SFMBT1: variants seen among roughly 807,000 people sequenced by gnomAD.
SFMBT1 encodes the protein Scm like with four mbt domains 1.
Under a neutral mutation model 108.7 loss-of-function variants are expected in SFMBT1, and 32 were observed. The observed-to-expected ratio is 0.29, with a 90% confidence interval of 0.22 to 0.40. The LOEUF is 0.40. Ranked by LOEUF, SFMBT1 falls within the 10% of genes least tolerant of loss-of-function variation. The pLI is 1.00. For synonymous variants in SFMBT1, 348 were observed against 369.5 expected, an observed-to-expected ratio of 0.94 and a Z score of 0.67; for missense variants, 816 against 1,059.6, an observed-to-expected ratio of 0.77 and a Z score of 3.19.
At chr3:52,991,658 TAATC>T (rs1214831336) in intron 1 of SFMBT1, among the ~76,000 whole-genome samples, 1 of 152,136 alleles carries the variant, frequency 6.6e-6, no homozygotes, top group Non-Finnish European at 1.5e-5. Context: ...CGTTGAAAGT[TAATC>T]CCTAATATGA....
At chr3:52,934,976 T>C (rs111634865) in intron 4 of SFMBT1, 75 bp from the exon 5 acceptor site, 7 of 1,168,924 alleles carry the variant, frequency 6.0e-6, no homozygotes, top group African/African-American at 4.5e-5. Flanking sequence ...TCAGTGGAGA[T>C]GGTTTAAAGG....
At chr3:52,956,536 G>A (rs767007082) in intron 2 of SFMBT1, among the ~76,000 whole-genome samples, 1 of 151,976 alleles carries the variant, frequency 6.6e-6, no homozygotes, top group Non-Finnish European at 1.5e-5. Context: ...CGAGGCTGGT[G>A]GACGACAAGG....
intron 1 of SFMBT1, among the ~76,000 whole-genome samples, chr3:53,011,343 G>A (rs1375725020): frequency 6.6e-6 from 1 of 152,176 alleles, no homozygotes; most frequent in Non-Finnish European, 1.5e-5. Flanking sequence ...AAGTATGCTC[G>A]TGTGTAAGGT....
intron 17 of SFMBT1, 72 bp downstream of exon 17, chr3:52,910,931 A>C (rs1344404934): frequency 6.9e-7 from 1 of 1,445,892 alleles, no homozygotes; most frequent in Non-Finnish European, 9.7e-7. Context: ...AATGTCTGTA[A>C]AGTAAAAAAC....
chr3:52,984,738 G>C (rs1457537000), intron 1 of SFMBT1, among the ~76,000 whole-genome samples: 20 of 147,722 alleles, frequency 1.4e-4, no homozygotes, highest in Non-Finnish European at 2.7e-4. Context: ...GTGTGTGTGT[G>C]TGTGTGTGTG....
intron 6 of SFMBT1, 110 bp downstream of exon 6, chr3:52,931,950 TGA>T: frequency 8.1e-7 from 1 of 1,237,592 alleles, no homozygotes; most frequent in South Asian, 1.6e-5. Context: ...AGCTCTATTA[TGA>T]GAACTAACAA....
chr3:52,928,707 T>G (rs1030079827), intron 8 of SFMBT1, among the ~76,000 whole-genome samples: 1 of 148,742 alleles, frequency 6.7e-6, no homozygotes, highest in Admixed American at 6.7e-5. Flanking sequence ...TTGTTTGTTT[T>G]TTTTTGGAGA....
chr3:52,984,070 G>A (rs1444123723), intron 1 of SFMBT1, among the ~76,000 whole-genome samples: 1 of 152,164 alleles, frequency 6.6e-6, no homozygotes, highest in Non-Finnish European at 1.5e-5. Context: ...TTTGGTGTAT[G>A]AGAGAAAGAG....
At chr3:52,951,800 C>G (rs1317115231) in intron 3 of SFMBT1, among the ~76,000 whole-genome samples, 1 of 152,160 alleles carries the variant, frequency 6.6e-6, no homozygotes, top group Non-Finnish European at 1.5e-5. Context: ...GTTCCTTGCC[C>G]TCATTCCCAT....
At chr3:53,034,378 A>C (rs1338600439) in intron 1 of SFMBT1, among the ~76,000 whole-genome samples, 1 of 152,062 alleles carries the variant, frequency 6.6e-6, no homozygotes, top group Non-Finnish European at 1.5e-5. Context: ...GGAGTTTGAG[A>C]CCAGCCTGAC....
At chr3:52,970,961 C>T (rs1704321506) in intron 1 of SFMBT1, among the ~76,000 whole-genome samples, 1 of 152,050 alleles carries the variant, frequency 6.6e-6, no homozygotes, top group Non-Finnish European at 1.5e-5. Flanking sequence ...CAGCAAAACC[C>T]TGTCTCAAAA....
At chr3:52,908,786 G>C (rs1575364338) in intron 17 of SFMBT1, among the ~76,000 whole-genome samples, 1 of 151,880 alleles carries the variant, frequency 6.6e-6, no homozygotes, top group African/African-American at 2.4e-5. Flanking sequence ...GGTCAGGCTG[G>C]TCTTGAACTC....
intron 1 of SFMBT1, among the ~76,000 whole-genome samples, chr3:53,007,331 G>T (rs1376083112): frequency 6.6e-6 from 1 of 152,112 alleles, no homozygotes; most frequent in Non-Finnish European, 1.5e-5. Context: ...CTTCACCGTT[G>T]TATCAAAAAG....
chr3:52,928,455 C>T (rs1307088569), intron 8 of SFMBT1, 114 bp from the exon 9 acceptor site: 8 of 1,031,020 alleles, frequency 7.8e-6, no homozygotes, highest in Non-Finnish European at 1.1e-5. Flanking sequence ...ATTAATAATA[C>T]TAAACACTAA....
intron 3 of SFMBT1, among the ~76,000 whole-genome samples, chr3:52,949,550 T>C (rs1349465258): frequency 6.6e-6 from 1 of 151,758 alleles, no homozygotes; most frequent in Non-Finnish European, 1.5e-5. Context: ...GACCCCTTTA[T>C]TATTATGTAA....
At chr3:53,027,961 A>G (rs936382811) in intron 1 of SFMBT1, among the ~76,000 whole-genome samples, 1 of 152,262 alleles carries the variant, frequency 6.6e-6, no homozygotes, top group African/African-American at 2.4e-5. Context: ...GTAATGGAAC[A>G]GTAGGCATAA....
chr3:52,931,187 T>G (rs75938652), intron 6 of SFMBT1, 152 bp from the exon 7 acceptor site: 2 of 657,458 alleles, frequency 3.0e-6, no homozygotes, highest in Non-Finnish European at 5.2e-6. Flanking sequence ...TTCAAAGAAC[T>G]TGCACCTTAA....
intron 3 of SFMBT1, among the ~76,000 whole-genome samples, chr3:52,949,568 C>CTTTTTTTTTTTTTTTTTTTTT (rs59842273): frequency 5.2e-5 from 4 of 77,416 alleles, no homozygotes; most frequent in African/African-American, 2.3e-4. Flanking sequence ...TAATGTCCTT[C>CTTTTTTTTTTTTTTTTTTTTT]TTTTTTTTTT....
intron 1 of SFMBT1, among the ~76,000 whole-genome samples, chr3:52,999,056 G>C (rs191019372): frequency 2.0e-5 from 3 of 150,752 alleles, no homozygotes; most frequent in Non-Finnish European, 3.0e-5. Flanking sequence ...TGCGTAAGCC[G>C]GGGACGCCCG....
Sources: gnomAD v4.1 joint callset for allele counts (sites outside exome capture counted in the v4.1 genomes callset) on GRCh38, gnomAD v4.1.1 for gene constraint, MANE v1.5 for transcripts, NCBI Gene and HGNC (gene_info 2026-07-23, HGNC 2026-07-21) for gene names.